GLIS3: variants seen among roughly 807,000 people sequenced by gnomAD.
The protein encoded by GLIS3 is zinc finger protein GLIS3.
A neutral mutation model predicts 78.6 loss-of-function variants in GLIS3; 53 were observed. That is an observed-to-expected ratio of 0.67 (90% CI 0.54 to 0.85). GLIS3 has a LOEUF of 0.85. Among genes scored for constraint, GLIS3 ranks in the 40% least tolerant of loss-of-function variants. The probability of loss-of-function intolerance (pLI) is 0.00; values close to 1 mark genes in which losing one functional copy is unlikely to be tolerated. For missense variants in GLIS3, 1,703 were observed against 1,231.1 expected, an observed-to-expected ratio of 1.38 and a Z score of -5.74; for synonymous variants, 684 against 509.9, an observed-to-expected ratio of 1.34 and a Z score of -4.60.
chr9:4,357,673 T>G, the GLIS3 span, among the ~76,000 whole-genome samples: 1 of 152,066 alleles, frequency 6.6e-6, no homozygotes, highest in South Asian at 2.1e-4. Flanking sequence ...TCATTCAACT[T>G]TCAACTTTTT....
chr9:3,848,451 G>A (rs752691539), intron 9 of GLIS3, among the ~76,000 whole-genome samples: 13 of 152,176 alleles, frequency 8.5e-5, no homozygotes, highest in Non-Finnish European at 1.8e-4. Context: ...GCCGTGAGCC[G>A]AGATCGCCCC....
chr9:3,987,329 G>A (rs7857799), intron 4 of GLIS3, among the ~76,000 whole-genome samples: 51,706 of 151,796 alleles, frequency 0.34, 9,364 homozygotes, highest in East Asian at 0.5. Context: ...GGGACTTGTG[G>A]GACACTAGAA....
intron 2 of GLIS3, among the ~76,000 whole-genome samples, chr9:4,132,955 A>C (rs1833087884): frequency 6.6e-6 from 1 of 152,134 alleles, no homozygotes; most frequent in Non-Finnish European, 1.5e-5. Context: ...TACCTAACTC[A>C]TAAGGTTGTT....
At chr9:4,452,155 T>C in the GLIS3 span, among the ~76,000 whole-genome samples, 2 of 152,062 alleles carry the variant, frequency 1.3e-5, no homozygotes, top group South Asian at 2.1e-4. Flanking sequence ...ATAAAGTAGG[T>C]ATTGATGGAA....
At chr9:3,872,291 C>G (rs757321155) in intron 8 of GLIS3, among the ~76,000 whole-genome samples, 13 of 152,228 alleles carry the variant, frequency 8.5e-5, no homozygotes, top group Non-Finnish European at 1.8e-4. Flanking sequence ...CCAAACTGTT[C>G]CAACCCCTGT....
At chr9:4,142,259 G>T (rs564818988) in intron 2 of GLIS3, among the ~76,000 whole-genome samples, 1 of 152,320 alleles carries the variant, frequency 6.6e-6, no homozygotes, top group African/African-American at 2.4e-5. Context: ...TGCTAAAGCT[G>T]AGAATAAACA....
At chr9:4,424,578 G>T in the GLIS3 span, among the ~76,000 whole-genome samples, 2 of 152,078 alleles carry the variant, frequency 1.3e-5, no homozygotes, top group Non-Finnish European at 2.9e-5. Context: ...TTGTTTGTTT[G>T]TTTTTGACAG....
intron 2 of GLIS3, among the ~76,000 whole-genome samples, chr9:4,193,408 C>T (rs1483946351): frequency 6.6e-6 from 1 of 152,134 alleles, no homozygotes; most frequent in African/African-American, 2.4e-5. Context: ...ACCATATGGC[C>T]TAAGAAGTCT....
the GLIS3 span, among the ~76,000 whole-genome samples, chr9:4,359,656 T>C: frequency 3.1e-4 from 47 of 152,200 alleles, no homozygotes; most frequent in Non-Finnish European, 5.1e-4. Flanking sequence ...TTTAATTTAA[T>C]TTTAGAACTA....
chr9:4,353,692 C>T, the GLIS3 span, among the ~76,000 whole-genome samples: 65 of 152,236 alleles, frequency 4.3e-4, no homozygotes, highest in Admixed American at 2.7e-3. Flanking sequence ...GAGCCAGATC[C>T]CTCCCCTAAA....
chr9:4,243,797 G>A (rs943182696), intron 2 of GLIS3, among the ~76,000 whole-genome samples: 2 of 152,066 alleles, frequency 1.3e-5, no homozygotes, highest in African/African-American at 2.4e-5. Flanking sequence ...AACAGCTGTC[G>A]AGTTTGTAAC....
At chr9:3,895,330 C>T (rs565480792) in intron 7 of GLIS3, among the ~76,000 whole-genome samples, 6 of 152,274 alleles carry the variant, frequency 3.9e-5, no homozygotes, top group African/African-American at 1.4e-4. Flanking sequence ...AACCTTTGAA[C>T]AAAAGGGCAA....
intron 8 of GLIS3, among the ~76,000 whole-genome samples, chr9:3,876,093 C>A (rs912212343): frequency 6.6e-6 from 1 of 152,092 alleles, no homozygotes; most frequent in African/African-American, 2.4e-5. Flanking sequence ...CAATCTAAAT[C>A]TCAAAAAAGC....
chr9:4,370,546 T>C, the GLIS3 span, among the ~76,000 whole-genome samples: 1 of 152,156 alleles, frequency 6.6e-6, no homozygotes, highest in Non-Finnish European at 1.5e-5. Context: ...GATCACACCC[T>C]CTTTTTCTCT....
intron 6 of GLIS3, among the ~76,000 whole-genome samples, chr9:3,930,872 A>G (rs1344502829): frequency 6.6e-6 from 1 of 151,884 alleles, no homozygotes; most frequent in Non-Finnish European, 1.5e-5. Flanking sequence ...CTTCAAATTT[A>G]TAAGGTATAT....
At chr9:4,469,434 G>A in the GLIS3 span, among the ~76,000 whole-genome samples, 51,175 of 152,010 alleles carry the variant, frequency 0.34, 9,789 homozygotes, top group Middle Eastern at 0.48. Context: ...ATAACAAACT[G>A]TCTCTCAGAC....
At chr9:4,334,289 C>G (rs1817723013) in intron 2 of GLIS3, among the ~76,000 whole-genome samples, 1 of 151,996 alleles carries the variant, frequency 6.6e-6, no homozygotes, top group African/African-American at 2.4e-5. Flanking sequence ...ACATTCAGTC[C>G]TTCTACAAAT....
At chr9:4,235,298 C>CAAAAAAAAAA (rs60654092) in intron 2 of GLIS3, among the ~76,000 whole-genome samples, 2 of 106,064 alleles carry the variant, frequency 1.9e-5, no homozygotes, top group Non-Finnish European at 3.6e-5. Flanking sequence ...GACTCTGTCT[C>CAAAAAAAAAA]AAAAAAAAAA....
chr9:4,441,158 T>C, the GLIS3 span, among the ~76,000 whole-genome samples: 1 of 152,218 alleles, frequency 6.6e-6, no homozygotes, highest in Admixed American at 6.5e-5. Context: ...CTATCTTGCC[T>C]AGCTACTCTG....
Sources: allele counts gnomAD v4.1 joint callset (sites outside exome capture counted in the v4.1 genomes callset), GRCh38; gene constraint gnomAD v4.1.1; transcripts MANE v1.5; gene names NCBI Gene and HGNC (gene_info 2026-07-23, HGNC 2026-07-21).